The following TEKTL1 variants were observed in gnomAD, a reference collection of about 807,000 sequenced individuals.
TEKTL1 encodes the protein tektin like 1, also known as tektin-like protein 1.
At chr19:15,011,228 C>T in the TEKTL1 span, 3 of 1,480,524 alleles carry the variant, frequency 2.0e-6, no homozygotes, top group Non-Finnish European at 2.7e-6. Context: ...TGGAGCGCGC[C>T]TCACCGCCGC....
chr19:15,018,731 T>TATATATATATATATATATATATAA, the TEKTL1 span, among the ~76,000 whole-genome samples: 46 of 127,006 alleles, frequency 3.6e-4, 5 homozygotes, highest in Middle Eastern at 3.8e-3. Context: ...TATATATATA[T>TATATATATATATATATATATATAA]AACTTCCCTG....
At chr19:15,013,050 C>T in the TEKTL1 span, among the ~76,000 whole-genome samples, 1 of 152,090 alleles carries the variant, frequency 6.6e-6, no homozygotes. Context: ...CTTCAGACTC[C>T]CAACCCTCAC....
At chr19:15,010,842 C>T in the TEKTL1 span, 2 of 1,542,542 alleles carry the variant, frequency 1.3e-6, no homozygotes, top group Admixed American at 2.0e-5. Context: ...GTGTTGGTAC[C>T]CCCGGCTGAG....
chr19:15,019,186 C>A, the TEKTL1 span, among the ~76,000 whole-genome samples: 7 of 152,066 alleles, frequency 4.6e-5, no homozygotes, highest in Non-Finnish European at 1.0e-4. Context: ...TAGGCTCAAG[C>A]GATCCTCCCA....
the TEKTL1 span, among the ~76,000 whole-genome samples, chr19:15,018,719 T>TATATATA: frequency 9.1e-6 from 1 of 109,674 alleles, no homozygotes; most frequent in African/African-American, 3.3e-5. Flanking sequence ...TCTCAAAATA[T>TATATATA]GTATATATAT....
At chr19:15,011,249 C>A in the TEKTL1 span, 7 of 1,504,258 alleles carry the variant, frequency 4.7e-6, no homozygotes, top group Non-Finnish European at 5.3e-6. Flanking sequence ...CCGCCTCGGC[C>A]GCGCGCAGCA....
the TEKTL1 span, among the ~76,000 whole-genome samples, chr19:15,015,650 A>T: frequency 6.6e-6 from 1 of 152,146 alleles, no homozygotes; most frequent in Non-Finnish European, 1.5e-5. Flanking sequence ...ATGATGAAAA[A>T]TTCTGGAGGT....
the TEKTL1 span, chr19:15,021,553 G>A: frequency 6.2e-7 from 1 of 1,613,464 alleles, no homozygotes; most frequent in Non-Finnish European, 8.5e-7. Context: ...GGGCCAGGGT[G>A]GGACAGGGGA....
At chr19:15,018,715 A>ATATATAT in the TEKTL1 span, among the ~76,000 whole-genome samples, 1 of 68,246 alleles carries the variant, frequency 1.5e-5, no homozygotes, top group African/African-American at 4.2e-5. Flanking sequence ...CCTATCTCAA[A>ATATATAT]ATATGTATAT....
At chr19:15,018,025 T>C in the TEKTL1 span, among the ~76,000 whole-genome samples, 5 of 151,946 alleles carry the variant, frequency 3.3e-5, no homozygotes, top group African/African-American at 1.2e-4. Context: ...CATCACTCTG[T>C]CTCAAAATAA....
the TEKTL1 span, chr19:15,011,192 A>G: frequency 6.8e-7 from 1 of 1,481,166 alleles, no homozygotes; most frequent in Non-Finnish European, 8.9e-7. Flanking sequence ...CCTGCAGACC[A>G]CCGAGGTGGT....
chr19:15,010,753 G>C, the TEKTL1 span: 6 of 1,433,442 alleles, frequency 4.2e-6, no homozygotes, highest in Non-Finnish European at 5.5e-6. Flanking sequence ...GGCCAGGAAA[G>C]AGTTGTGTGT....
chr19:15,015,551 C>T, the TEKTL1 span, among the ~76,000 whole-genome samples: 1 of 152,190 alleles, frequency 6.6e-6, no homozygotes, highest in Non-Finnish European at 1.5e-5. Context: ...CACCCTTCTC[C>T]TGCACCATCA....
At chr19:15,022,921 C>T in the TEKTL1 span, 5 of 1,607,664 alleles carry the variant, frequency 3.1e-6, no homozygotes, top group African/African-American at 2.7e-5. Context: ...AGAACCTGGA[C>T]GAGCTGCTCG....
chr19:15,015,873 C>T, the TEKTL1 span, among the ~76,000 whole-genome samples: 17 of 152,282 alleles, frequency 1.1e-4, no homozygotes, highest in Non-Finnish European at 1.9e-4. Context: ...AAAAAGCCCA[C>T]CTCTCTTGAT....
At chr19:15,018,743 A>C in the TEKTL1 span, among the ~76,000 whole-genome samples, 1 of 62,874 alleles carries the variant, frequency 1.6e-5, no homozygotes, top group Non-Finnish European at 3.9e-5. Context: ...ACTTCCCTGG[A>C]TTACCTGACA....
the TEKTL1 span, chr19:15,021,715 C>A: frequency 6.2e-7 from 1 of 1,613,744 alleles, no homozygotes; most frequent in Non-Finnish European, 8.5e-7. Context: ...CATCAAGGTA[C>A]GGTTCGGGGT....
At chr19:15,013,995 C>A in the TEKTL1 span, among the ~76,000 whole-genome samples, 2 of 152,116 alleles carry the variant, frequency 1.3e-5, 1 homozygote, top group Non-Finnish European at 2.9e-5. Context: ...TGTACCAAAC[C>A]CTGCGCAGTC....
the TEKTL1 span, among the ~76,000 whole-genome samples, chr19:15,011,661 G>C: frequency 6.6e-6 from 1 of 151,462 alleles, no homozygotes. Context: ...TTGAACCCGG[G>C]AGGCAGAGGT....
Sources: allele counts gnomAD v4.1 joint callset (sites outside exome capture counted in the v4.1 genomes callset), GRCh38; gene constraint gnomAD v4.1.1; transcripts MANE v1.5; gene names NCBI Gene and HGNC (gene_info 2026-07-23, HGNC 2026-07-21).